The following KCNK12 variants were observed in gnomAD, a reference collection of about 807,000 sequenced individuals.
KCNK12 encodes potassium two pore domain channel subfamily K member 12, also known as potassium channel subfamily K member 12.
Under a neutral mutation model 25.3 loss-of-function variants are expected in KCNK12, and 6 were observed. The ratio of observed to expected loss-of-function variants is 0.24; its 90% CI spans 0.13 to 0.47. The LOEUF (loss-of-function observed/expected upper bound fraction) is 0.47. Ranked by LOEUF, KCNK12 falls within the 20% of genes least tolerant of loss-of-function variation. The pLI is 0.99. For synonymous variants in KCNK12, 331 were observed against 311.1 expected (o/e 1.06, Z -0.67); for missense variants, 444 against 661.7 (o/e 0.67, Z 3.61).
rs1408189268 is a variant in KCNK12 at position 47,556,451 on chromosome 2, G to GGGA, written c.391+13487_391+13489dup. Reference sequence around the variant, plus strand: ...GGAATGGGAGGCTAAAGATGGAAGAGGGAGGATAAGTGGTGGACACAGTAG... The same window carrying GGGA: ...GGAATGGGAGGCTAAAGATGGAAGAGGGAGGAGGATAAGTGGTGGACACAGTAG... On this transcript the variant is annotated intron_variant, in intron 1 of 1. Coordinates refer to ENST00000327876, the MANE Select transcript of KCNK12 (RefSeq NM_022055.2). This position sits in a 1 kb window ranked among gnomAD's most constrained non-coding sequence, Gnocchi z 4.8. 3.9e-5 allele frequency among the ~76,000 whole-genome samples: 6 copies of GGGA among 152,264 alleles called. 1 individual carries two copies. The highest frequency in any genetic ancestry group is 1.4e-4 in the African/African-American group (6 of 41,544).
intron 1 of KCNK12, among the ~76,000 whole-genome samples, chr2:47,559,745 G>A (rs1416398603): frequency 6.6e-6 from 1 of 152,158 alleles, no homozygotes; most frequent in Non-Finnish European, 1.5e-5. Context: ...TTCGCAGATG[G>A]GGAAGCTGGC....
rs781579678 is a variant in KCNK12, at chr2:47,512,317, A to G, written c.*8590T>C. 43 of 1,612,662 alleles carry G rather than the reference A, an allele frequency of 2.7e-5. No homozygotes were observed. Among genetic ancestry groups the G allele is most frequent in the Non-Finnish European group, 3.6e-5 (43 of 1,179,822 alleles). On this transcript the variant is annotated 3_prime_UTR_variant, in exon 2 of 2. Transcript: ENST00000327876. ...CTTCCTTTCAGAACCTCAGAGTGAC[A>G]GAGCCAAAAGACCAGTGCCTCATTT...
chr2:47,525,407 C>T lies in KCNK12; in HGVS notation c.392-3599G>A, dbSNP rs368266493. 1.3e-5 allele frequency among the ~76,000 whole-genome samples: 2 copies of T among 152,196 alleles called. No individual in the cohort carries two copies. Among genetic ancestry groups the T allele is most frequent in the Non-Finnish European group, 2.9e-5 (2 of 68,028 alleles). ...TCACTTCCTAGCTGGCTGGGCACAGCCGCTCACAGGCCTACCCAGAGTGGA... is the reference window on the plus strand; with the variant it reads ...TCACTTCCTAGCTGGCTGGGCACAGTCGCTCACAGGCCTACCCAGAGTGGA... On this transcript the variant is annotated intron_variant, in intron 1 of 1. Coordinates refer to ENST00000327876, the MANE Select transcript of KCNK12 (RefSeq NM_022055.2). The surrounding 1 kb of genome is among the most constrained non-coding windows in gnomAD (Gnocchi z 4.1).
At chr2:47,543,054 C>T (rs947649952) in intron 1 of KCNK12, among the ~76,000 whole-genome samples, 5 of 152,162 alleles carry the variant, frequency 3.3e-5, no homozygotes, top group African/African-American at 4.8e-5. Context: ...CCTCAGCCTC[C>T]GAGTAGCTGG....
rs1449784147 is a variant in KCNK12, at chr2:47,510,561, G to T, written c.*10346C>A. Among the ~76,000 whole-genome samples, 1 of 152,088 alleles carries T rather than the reference G, an allele frequency of 6.6e-6. No homozygotes were observed. The highest frequency in any genetic ancestry group is 2.4e-5 in the African/African-American group (1 of 41,404). On this transcript the variant is annotated 3_prime_UTR_variant, in exon 2 of 2. Transcript: ENST00000327876. ...CAAGGCTCCAGGATCTGCCCTGGGGGCTATCTCAACACCCCTACACTCTCA... is the reference window on the plus strand; with the variant it reads ...CAAGGCTCCAGGATCTGCCCTGGGGTCTATCTCAACACCCCTACACTCTCA...
chr2:47,525,882 G>C lies in KCNK12; in HGVS notation c.392-4074C>G, dbSNP rs1668758930. 6.6e-6 allele frequency among the ~76,000 whole-genome samples: 1 copy of C among 152,150 alleles called. No homozygotes were observed. Among genetic ancestry groups the C allele is most frequent in the African/African-American group, 2.4e-5 (1 of 41,434 alleles). On this transcript the variant is annotated intron_variant, in intron 1 of 1. Transcript: ENST00000327876. The surrounding 1 kb of genome is among the most constrained non-coding windows in gnomAD (Gnocchi z 4.1). The stretch of plus-strand genomic sequence containing the variant: ...TATGCCTGTTCTAACAGGGAGCCTT[G>C]CAGCCCCACCAGCAAAAGTTAAGAA...
chr2:47,561,390 G>A (rs1669666088), intron 1 of KCNK12, among the ~76,000 whole-genome samples: 1 of 152,202 alleles, frequency 6.6e-6, no homozygotes, highest in East Asian at 1.9e-4. Context: ...CAAAGAAAAT[G>A]CATTTTCAAA....
rs543404676 is a variant in KCNK12, at chr2:47,526,928, C to T, written c.392-5120G>A. 1.8e-3 allele frequency among the ~76,000 whole-genome samples: 271 copies of T among 152,330 alleles called. 1 individual carries two copies. Among genetic ancestry groups the T allele is most frequent in the African/African-American group, 6.2e-3 (259 of 41,562 alleles). ...TCTTCATTGTGGTGAAAGCCACCAC[C>T]TAACAATGCTGGCCCTGCCTGCATC... On this transcript the variant is annotated intron_variant, in intron 1 of 1. Transcript: ENST00000327876.
chr2:47,538,864 T>C lies in KCNK12; in HGVS notation c.392-17056A>G, dbSNP rs1288470640. Among the ~76,000 whole-genome samples the C allele has an allele frequency of 6.6e-6, 1 of 152,238 alleles. No homozygotes were observed. Among genetic ancestry groups the C allele is most frequent in the Non-Finnish European group, 1.5e-5 (1 of 68,038 alleles). On this transcript the variant is annotated intron_variant, in intron 1 of 1. Coordinates refer to ENST00000327876, the MANE Select transcript of KCNK12 (RefSeq NM_022055.2). This position sits in a 1 kb window ranked among gnomAD's most constrained non-coding sequence, Gnocchi z 4.5. ...AATGAGAAAAACCATGACTTTCATT[T>C]GATTTTAATGTGAGGGAGAAACATA...
rs549682046 is a variant in KCNK12 at position 47,569,665 on chromosome 2, A to C, written c.391+276T>G. On this transcript the variant is annotated intron_variant, in intron 1 of 1. Coordinates refer to ENST00000327876, the MANE Select transcript of KCNK12 (RefSeq NM_022055.2). This position sits in a 1 kb window ranked among gnomAD's most constrained non-coding sequence, Gnocchi z 4.1. Reference sequence around the variant, plus strand: ...CACGTATTCTTAGAGGAGAAAACGGAGGCTCACAAAGGTCAGATCACAGAG... The same window carrying C: ...CACGTATTCTTAGAGGAGAAAACGGCGGCTCACAAAGGTCAGATCACAGAG... Among the ~76,000 whole-genome samples, 3 of 152,268 alleles carry C rather than the reference A, an allele frequency of 2.0e-5. No individual in the cohort carries two copies. Among genetic ancestry groups the C allele is most frequent in the African/African-American group, 7.2e-5 (3 of 41,570 alleles).
chr2:47,515,955 T>A lies in KCNK12; in HGVS notation c.*4952A>T, dbSNP rs1000179458. On this transcript the variant is annotated 3_prime_UTR_variant, in exon 2 of 2. Coordinates refer to ENST00000327876, the MANE Select transcript of KCNK12 (RefSeq NM_022055.2). ...TGAAATGCCTCTTATAATTGTGACA[T>A]CTTGCAATTGTGGAGGACTTTACAC... Among the ~76,000 whole-genome samples, 1 of 152,270 alleles carries A rather than the reference T, an allele frequency of 6.6e-6. No homozygotes were observed. Among genetic ancestry groups the A allele is most frequent in the South Asian group, 2.1e-4 (1 of 4,816 alleles).
In KCNK12 at chr2:47,536,494, T is replaced by C. The variant is rs549393350; in HGVS notation, c.392-14686A>G. On this transcript the variant is annotated intron_variant, in intron 1 of 1. Transcript: ENST00000327876. ...AGCAGACACTGTACCAGAAACATTG[T>C]CTCCATCTTAGTTTCAGTTAACTCA... Among the ~76,000 whole-genome samples the C allele has an allele frequency of 8.5e-5, 13 of 152,292 alleles. No homozygotes were observed. In the South Asian group the frequency reaches 2.3e-3, roughly 27 times the overall value.
chr2:47,526,993 C>T (rs1478372969), intron 1 of KCNK12, among the ~76,000 whole-genome samples: 2 of 152,136 alleles, frequency 1.3e-5, no homozygotes, highest in Non-Finnish European at 2.9e-5. Flanking sequence ...GAGAACAGCT[C>T]CATTCAACAG....
intron 1 of KCNK12, among the ~76,000 whole-genome samples, chr2:47,534,590 C>T (rs1464301328): frequency 7.5e-6 from 1 of 132,772 alleles, no homozygotes; most frequent in Non-Finnish European, 1.5e-5. Flanking sequence ...AAGACTAAAT[C>T]CAAGACCAAG....
rs1055394474 is a variant in KCNK12, at chr2:47,529,143, T to C, written c.392-7335A>G. ...CACTGTCAACTGTGAGAGAGGGAAA[T>C]AAAACGTACTGTACAGTCCAATCTG... is the stretch of plus-strand genomic sequence containing the variant. On this transcript the variant is annotated intron_variant, in intron 1 of 1. Coordinates refer to ENST00000327876, the MANE Select transcript of KCNK12 (RefSeq NM_022055.2). The surrounding 1 kb of genome is among the most constrained non-coding windows in gnomAD (Gnocchi z 4.3). The C allele has an allele frequency of 6.6e-6, 1 of 152,050 alleles. No individual in the cohort carries two copies. Among genetic ancestry groups the C allele is most frequent in the Non-Finnish European group, 1.5e-5 (1 of 68,028 alleles). 9.4% of individuals were successfully genotyped at this position (152,050 alleles called of 1,614,324 possible). A position where few individuals can be genotyped will look rare whatever the true frequency, so the allele number is the denominator to read the frequency against.
chr2:47,539,871 G>A (rs78317815), intron 1 of KCNK12, among the ~76,000 whole-genome samples: 66 of 152,320 alleles, frequency 4.3e-4, no homozygotes, highest in African/African-American at 1.4e-3. Context: ...CAGACACTGC[G>A]TTTTCTTTAT....
intron 1 of KCNK12, among the ~76,000 whole-genome samples, chr2:47,532,984 TA>T (rs1481315055): frequency 1.3e-5 from 2 of 152,152 alleles, no homozygotes; most frequent in African/African-American, 2.4e-5. Flanking sequence ...CTTCTCCCTC[TA>T]AAAATGGCCC....
At chr2:47,535,298 C>G in intron 1 of KCNK12, 1 of 233,190 alleles carries the variant, frequency 4.3e-6, no homozygotes, top group Non-Finnish European at 8.5e-6. Context: ...TGCACCTGCC[C>G]TATGGGCTGG....
At chr2:47,545,723 A>G (rs1443886860) in intron 1 of KCNK12, among the ~76,000 whole-genome samples, 2 of 152,200 alleles carry the variant, frequency 1.3e-5, no homozygotes, top group Admixed American at 6.5e-5. Flanking sequence ...CAGGATGCTG[A>G]TGAGGATTAA....
Sources: gnomAD v4.1 joint callset for allele counts (sites outside exome capture counted in the v4.1 genomes callset) on GRCh38, gnomAD v4.1.1 for gene constraint, Gnocchi (gnomAD v3.1) non-coding constraint, MANE v1.5 for transcripts, NCBI Gene and HGNC (gene_info 2026-07-23, HGNC 2026-07-21) for gene names.